The following HES1 variants were observed in gnomAD, a reference collection of about 807,000 sequenced individuals.
HES1 encodes transcription factor HES-1.
HES1 carries 7 observed loss-of-function variants against 21.0 expected under a neutral mutation model. The observed-to-expected ratio is 0.33, with a 90% CI of 0.19 to 0.63. The LOEUF is 0.63. Among genes scored for constraint, HES1 ranks in the 20% least tolerant of loss-of-function variants. The pLI, the probability that HES1 is intolerant of heterozygous loss-of-function variation, is 0.78. For missense variants in HES1, 338 were observed against 389.8 expected, an observed-to-expected ratio of 0.87 and a Z score of 1.12; for synonymous variants, 169 against 171.2, an observed-to-expected ratio of 0.99 and a Z score of 0.10.
In HES1 at chr3:194,137,396, G is replaced by A. The variant is rs1404665328; in HGVS notation, c.293-287G>A. ...TGAGGCTTGGATGATGGATTGGGAG[G>A]CATTGTCCAAGGTCACATCGCGCGC... On this transcript the variant is annotated intron_variant, in intron 3 of 3. Coordinates refer to ENST00000232424, the MANE Select transcript of HES1 (RefSeq NM_005524.4). This position sits in a 1 kb window ranked among gnomAD's most constrained non-coding sequence, Gnocchi z 5.4. The A allele has an allele frequency of 1.1e-5, 6 of 569,696 alleles. No homozygotes were observed. Among genetic ancestry groups the A allele is most frequent in the African/African-American group, 9.4e-5 (5 of 53,356 alleles). The allele number at this position is 569,696 out of a possible 1,614,324, so 35.3% of individuals were successfully genotyped here.
In HES1 at chr3:194,136,677, C is replaced by T. The variant is rs1184105364; in HGVS notation, c.169C>T (p.Leu57=). Residue 57 remains leucine, a synonymous_variant, in exon 2 of 4, where the codon CTG becomes TTG. Coordinates refer to ENST00000232424, the MANE Select transcript of HES1 (RefSeq NM_005524.4). ...AAGAATAAATGAAAGTCTGAGCCAG[C>T]TGAAAACACTGATTTTGGATGCTCT... The part of the protein sequence containing the change: ...RARINESLSQ[L]KTLILDALKK... 2.5e-6 allele frequency: 4 copies of T among 1,613,880 alleles called. No individual in the cohort carries two copies. The highest frequency in any genetic ancestry group is 2.2e-5 in the East Asian group (1 of 44,900).
intron 2 of HES1, 71 bp downstream of exon 2, chr3:194,136,783 C>T (rs1715350941): frequency 2.7e-6 from 4 of 1,479,566 alleles, no homozygotes; most frequent in Non-Finnish European, 3.8e-6. Flanking sequence ...AGAGTGAAAC[C>T]CCCCGCCCTG....
Position 194,136,359 on chromosome 3 carries a change from TAAA to T in HES1, c.-8_-6del, listed in dbSNP as rs376059948. On this transcript the variant is annotated 5_prime_UTR_variant, in exon 1 of 4. Coordinates refer to ENST00000232424, the MANE Select transcript of HES1 (RefSeq NM_005524.4). ...CTCCAAAAATAAAATTCTCTAGAGA[TAAA>T]AAAAAAAAAAAAAGGAAAATGCCAG... 3.3e-3 allele frequency: 3,815 copies of T among 1,154,610 alleles called. No homozygotes were observed. Among genetic ancestry groups the T allele is most frequent in the South Asian group, 4.4e-3 (281 of 63,938 alleles). The allele number at this position is 1,154,610 out of a possible 1,614,324, so 71.5% of individuals were successfully genotyped here.
Position 194,137,032 on chromosome 3 carries a change from G to A in HES1, c.276G>A (p.Gln92=). The change falls in exon 3 of 4, where the codon CAG becomes CAA. Residue 92 remains glutamine (Q), a synonymous_variant. Coordinates refer to ENST00000232424, the MANE Select transcript of HES1 (RefSeq NM_005524.4). This position sits in a 1 kb window ranked among gnomAD's most constrained non-coding sequence, Gnocchi z 5.4. ...EMTVKHLRNL[Q]RAQMTAALST... ...CAGTGAAGCACCTCCGGAACCTGCA[G>A]CGGGCGCAGATGACGGGTGAGGGCG... 2.5e-6 allele frequency: 4 copies of A among 1,614,176 alleles called. No individual in the cohort carries two copies. The highest frequency in any genetic ancestry group is 3.4e-6 in the Non-Finnish European group (4 of 1,180,010).
chr3:194,138,597 AAAGT>A lies in HES1; in HGVS notation c.*367_*370del. On this transcript the variant is annotated 3_prime_UTR_variant, in exon 4 of 4. Coordinates refer to ENST00000232424, the MANE Select transcript of HES1 (RefSeq NM_005524.4). ...ATTTGAGAAAATATAATAAAAGAAA[AAAGT>A]AAAGGCTTTTATGTCTTCGAACTGA... 1 of 181,980 alleles carries A rather than the reference AAAGT, an allele frequency of 5.5e-6. No homozygotes were observed. Among genetic ancestry groups the A allele is most frequent in the South Asian group, 2.0e-4 (1 of 5,108 alleles). 11.3% of individuals were successfully genotyped at this position (181,980 alleles called of 1,614,324 possible). A position where few individuals can be genotyped will look rare whatever the true frequency, so the allele number is the denominator to read the frequency against.
At position 194,137,227 on chromosome 3, in the gene HES1, C is replaced by G. The variant is rs1366029133; in HGVS notation, c.292+179C>G. On this transcript the variant is annotated intron_variant, in intron 3 of 3. Transcript: ENST00000232424. The surrounding 1 kb of genome is among the most constrained non-coding windows in gnomAD (Gnocchi z 5.4). ...GCCACAACTCCAAGTTGTTACTGTT[C>G]CGGAAAGGGAGGGAAAGAGGTTGCA... 7 of 646,582 alleles carry G rather than the reference C, an allele frequency of 1.1e-5. No individual in the cohort carries two copies. The Admixed American group carries it at 1.9e-4, about 17-fold the overall frequency. The allele number at this position is 646,582 out of a possible 1,614,324, so 40.1% of individuals were successfully genotyped here.
chr3:194,136,881 C>T (rs763157660), intron 2 of HES1, 80 bp from the exon 3 acceptor site: 3 of 1,455,096 alleles, frequency 2.1e-6, no homozygotes, highest in Admixed American at 3.3e-5. Context: ...GCTTGCGCTC[C>T]GTGGCCGGGA....
Position 194,137,087 on chromosome 3 carries a change from C to T in HES1, c.292+39C>T. On this transcript the variant is annotated intron_variant, in intron 3 of 3. Coordinates refer to ENST00000232424, the MANE Select transcript of HES1 (RefSeq NM_005524.4). The surrounding 1 kb of genome is among the most constrained non-coding windows in gnomAD (Gnocchi z 5.4). The stretch of plus-strand genomic sequence containing the variant: ...GCCGCGTCCCCCTGTGCGGGCGTCC[C>T]GCTCGCCTCGCGGTGATTTCTTCCA... The T allele has an allele frequency of 6.5e-7, 1 of 1,543,004 alleles. No homozygotes were observed. Among genetic ancestry groups the T allele is most frequent in the Non-Finnish European group, 9.0e-7 (1 of 1,115,922 alleles).
chr3:194,137,581 C>T lies in HES1; in HGVS notation c.293-102C>T. On this transcript the variant is annotated intron_variant, in intron 3 of 3. Transcript: ENST00000232424. The surrounding 1 kb of genome is among the most constrained non-coding windows in gnomAD (Gnocchi z 5.4). ...TCCCTGCCGGAGGCAGTTTCACGGG[C>T]GCATGGTCAGGGAGGCGCGCCACAG... The T allele has an allele frequency of 7.9e-7, 1 of 1,260,714 alleles. No homozygotes were observed. Among genetic ancestry groups the T allele is most frequent in the African/African-American group, 1.5e-5 (1 of 65,938 alleles). 78.1% of individuals were successfully genotyped at this position (1,260,714 alleles called of 1,614,324 possible). A position where few individuals can be genotyped will look rare whatever the true frequency, so the allele number is the denominator to read the frequency against.
In HES1 at chr3:194,137,928, C is replaced by T; in HGVS notation, c.538C>T (p.Pro180Ser). The T allele has an allele frequency of 4.6e-6, 6 of 1,308,182 alleles. No individual in the cohort carries two copies. The highest frequency in any genetic ancestry group is 5.8e-6 in the Non-Finnish European group (6 of 1,028,650). 81.0% of individuals were successfully genotyped at this position (1,308,182 alleles called of 1,614,324 possible). ...PPGPGGPQHAPFAPPPPLVPI... is the reference protein window; with the variant it reads ...PPGPGGPQHASFAPPPPLVPI... ...GGGACCCGGCGGCCCCCAGCACGCG[C>T]CGTTCGCGCCGCCGCCGCCACTCGT... The change falls in exon 4 of 4, where the codon CCG becomes TCG. Residue 180 changes from proline to serine, a missense_variant. By Grantham distance (74) the Pro-to-Ser change is moderately conservative. Transcript: ENST00000232424. This position sits in a 1 kb window ranked among gnomAD's most constrained non-coding sequence, Gnocchi z 5.4.
Position 194,136,504 on chromosome 3 carries a change from G to A in HES1, c.108+16G>A. On this transcript the variant is annotated intron_variant, in intron 1 of 3. Transcript: ENST00000232424. ...GCACAGAAAGGTAAGGGCGGTACCT[G>A]TATCTCTTTGCAGCCCCTCAAAATT... The A allele has an allele frequency of 6.3e-7, 1 of 1,584,326 alleles. No individual in the cohort carries two copies. The highest frequency in any genetic ancestry group is 8.6e-7 in the Non-Finnish European group (1 of 1,161,784).
In HES1 at chr3:194,138,501, G is replaced by A; in HGVS notation, c.*268G>A. 3 of 347,498 alleles carry A rather than the reference G, an allele frequency of 8.6e-6. No individual in the cohort carries two copies. The highest frequency in any genetic ancestry group is 1.5e-5 in the Non-Finnish European group (3 of 195,798). 21.5% of individuals were successfully genotyped at this position (347,498 alleles called of 1,614,324 possible). A position where few individuals can be genotyped will look rare whatever the true frequency, so the allele number is the denominator to read the frequency against. ...TCAGATGACATTTCGTTTTTTACAC[G>A]AGATTTCTTTTTTATGTGATGCCAA... On this transcript the variant is annotated 3_prime_UTR_variant, in exon 4 of 4. Transcript: ENST00000232424.
chr3:194,136,838 G>A (rs1431547966), intron 2 of HES1, 123 bp from the exon 3 acceptor site: 5 of 1,373,498 alleles, frequency 3.6e-6, no homozygotes, highest in Non-Finnish European at 5.2e-6. Context: ...AGGCGGGAGG[G>A]CCCGGCCTTA....
At position 194,136,393 on chromosome 3, in the gene HES1, A is replaced by C; in HGVS notation, c.13A>C (p.Ile5Leu). 1 of 1,591,398 alleles carries C rather than the reference A, an allele frequency of 6.3e-7. No individual in the cohort carries two copies. The highest frequency in any genetic ancestry group is 1.1e-5 in the South Asian group (1 of 87,886). Reference sequence around the variant, plus strand: ...AAAAAAAAGGAAAATGCCAGCTGATATAATGGAGAAAAATTCCTCGTCCCC... The same window carrying C: ...AAAAAAAAGGAAAATGCCAGCTGATCTAATGGAGAAAAATTCCTCGTCCCC... Reference protein sequence around the residue: MPADIMEKNSSSPVA... With the variant: MPADLMEKNSSSPVA... Residue 5 changes from isoleucine to leucine, a missense_variant, in exon 1 of 4, where the codon ATA becomes CTA. Transcript: ENST00000232424.
rs1199837243 is a variant in HES1 at position 194,137,692 on chromosome 3, GCA to G, written c.305_306del (p.Thr102ArgfsTer30). 1 of 1,610,098 alleles carries G rather than the reference GCA, an allele frequency of 6.2e-7. No homozygotes were observed. Among genetic ancestry groups the G allele is most frequent in the Non-Finnish European group, 8.5e-7 (1 of 1,177,948 alleles). On this transcript the variant is annotated frameshift_variant, in exon 4 of 4. Transcript: ENST00000232424. LOFTEE classifies it high-confidence loss of function. The surrounding 1 kb of genome is among the most constrained non-coding windows in gnomAD (Gnocchi z 5.4). ...TCTTTCTGGCCCGCAGCTGCGCTGA[GCA>G]CAGACCCAAGTGTGCTGGGGAAGTA... is the stretch of plus-strand genomic sequence containing the variant.
rs747710157 is a variant in HES1, at chr3:194,138,275, C to G, written c.*42C>G. The G allele has an allele frequency of 2.6e-5, 38 of 1,474,146 alleles. No homozygotes were observed. The East Asian group carries it at 1.0e-3, about 39-fold the overall frequency. The allele number at this position is 1,474,146 out of a possible 1,614,324, so 91.3% of individuals were successfully genotyped here. On this transcript the variant is annotated 3_prime_UTR_variant, in exon 4 of 4. Transcript: ENST00000232424. ...CCTCCTCCTAAACTCCCCAACCCAC[C>G]TCTCTTCCCTCCGGACTCTAAACAG...
chr3:194,137,120 G>A lies in HES1; in HGVS notation c.292+72G>A. 2 of 1,331,408 alleles carry A rather than the reference G, an allele frequency of 1.5e-6. No homozygotes were observed. The highest frequency in any genetic ancestry group is 1.1e-6 in the Non-Finnish European group (1 of 924,504). 82.5% of individuals were successfully genotyped at this position (1,331,408 alleles called of 1,614,324 possible). ...TCGCGGTGATTTCTTCCAGACTTCC[G>A]CCCGTGGTTGTGAGAGGCATTCAGC... On this transcript the variant is annotated intron_variant, in intron 3 of 3. Coordinates refer to ENST00000232424, the MANE Select transcript of HES1 (RefSeq NM_005524.4). The surrounding 1 kb of genome is among the most constrained non-coding windows in gnomAD (Gnocchi z 5.4).
chr3:194,137,075 G>T lies in HES1; in HGVS notation c.292+27G>T, dbSNP rs772146327. ...TGAGGGCGGCTCGCCGCGTCCCCCT[G>T]TGCGGGCGTCCCGCTCGCCTCGCGG... On this transcript the variant is annotated intron_variant, in intron 3 of 3. Transcript: ENST00000232424. The surrounding 1 kb of genome is among the most constrained non-coding windows in gnomAD (Gnocchi z 5.4). 3.1e-6 allele frequency: 5 copies of T among 1,591,598 alleles called. No individual in the cohort carries two copies. Among genetic ancestry groups the T allele is most frequent in the African/African-American group, 2.7e-5 (2 of 74,632 alleles).
chr3:194,136,800 C>T (rs770193881), intron 2 of HES1, 88 bp downstream of exon 2: 3 of 1,380,994 alleles, frequency 2.2e-6, no homozygotes, highest in Non-Finnish European at 3.1e-6. Flanking sequence ...CCTGCGGGGT[C>T]TGGCACTCGC....
Sources: allele counts gnomAD v4.1 joint callset, GRCh38; gene constraint gnomAD v4.1.1; non-coding constraint Gnocchi (gnomAD v3.1); transcripts MANE v1.5; gene names NCBI Gene and HGNC (gene_info 2026-07-23, HGNC 2026-07-21).